RBX1: variants seen among roughly 807,000 people sequenced by gnomAD.
The protein encoded by RBX1 is ring-box 1, also known as E3 ubiquitin-protein ligase RBX1.
For missense variants in RBX1, 46 were observed against 141.4 expected (o/e 0.33, Z 3.42); for synonymous variants, 48 against 47.9 (o/e 1.00, Z -0.01).
intron 2 of RBX1, among the ~76,000 whole-genome samples, chr22:40,962,095 G>T (rs2058342228): frequency 6.6e-6 from 1 of 151,550 alleles, no homozygotes. Context: ...TTTATGGTTT[G>T]TTTGTTTGTT....
intron 3 of RBX1, among the ~76,000 whole-genome samples, chr22:40,965,907 A>G (rs902914135): frequency 3.3e-5 from 5 of 152,198 alleles, no homozygotes; most frequent in Non-Finnish European, 5.9e-5. Flanking sequence ...ACTAAGAACC[A>G]TGTTCCTTTA....
chr22:40,968,890 A>G lies in RBX1; in HGVS notation c.314+1006A>G, dbSNP rs1035079489. Among the ~76,000 whole-genome samples the G allele has an allele frequency of 2.7e-5, 4 of 148,596 alleles. No homozygotes were observed. In the East Asian group the frequency reaches 5.8e-4, roughly 22 times the overall value. On this transcript the variant is annotated intron_variant, in intron 4 of 4. Transcript: ENST00000216225. ...ATTTTGTACATTTTGGAGATTTTCC[A>G]TTTCCACAAATAACAAACTACCTCA... is the stretch of plus-strand genomic sequence containing the variant.
chr22:40,960,671 A>C (rs1041281177), intron 2 of RBX1, among the ~76,000 whole-genome samples: 5 of 152,162 alleles, frequency 3.3e-5, no homozygotes, highest in African/African-American at 7.2e-5. Context: ...AAAGGACATC[A>C]TATTTACTTT....
chr22:40,971,212 C>G (rs186064507), intron 4 of RBX1, among the ~76,000 whole-genome samples: 2 of 152,286 alleles, frequency 1.3e-5, no homozygotes, highest in East Asian at 3.9e-4. Context: ...GACTCTGCCA[C>G]TCTAACTGGT....
intron 4 of RBX1, among the ~76,000 whole-genome samples, chr22:40,968,542 C>G (rs957153706): frequency 5.3e-5 from 8 of 152,180 alleles, no homozygotes; most frequent in Non-Finnish European, 1.0e-4. Flanking sequence ...TCATATTTCA[C>G]TGGTTTATTT....
At chr22:40,968,627 C>G (rs960721837) in intron 4 of RBX1, among the ~76,000 whole-genome samples, 1 of 152,030 alleles carries the variant, frequency 6.6e-6, no homozygotes, top group Non-Finnish European at 1.5e-5. Flanking sequence ...AAAACATGAC[C>G]TGGTAAACTT....
rs549821274 is a variant in RBX1 at position 40,954,825 on chromosome 22, C to T, written c.157+1192C>T. Among the ~76,000 whole-genome samples, 111 of 151,624 alleles carry T rather than the reference C, an allele frequency of 7.3e-4. No individual in the cohort carries two copies. In the Middle Eastern group the frequency reaches 0.014, roughly 19 times the overall value. ...TTTTTTCCTTATTCTGAGATGGAGT[C>T]GCCCAGGTTGGAGTGCAGTGGCGTG... is the stretch of plus-strand genomic sequence containing the variant. On this transcript the variant is annotated intron_variant, in intron 2 of 4. Transcript: ENST00000216225.
At chr22:40,955,791 C>T (rs1440890460) in intron 2 of RBX1, among the ~76,000 whole-genome samples, 1 of 152,154 alleles carries the variant, frequency 6.6e-6, no homozygotes, top group African/African-American at 2.4e-5. Flanking sequence ...ATGTATTGCC[C>T]TTGGCTTCTT....
At chr22:40,961,022 C>T (rs2058338447) in intron 2 of RBX1, among the ~76,000 whole-genome samples, 4 of 152,052 alleles carry the variant, frequency 2.6e-5, no homozygotes, top group Admixed American at 1.3e-4. Context: ...CCTCGACTTC[C>T]CAAAGTGCTG....
intron 4 of RBX1, among the ~76,000 whole-genome samples, chr22:40,968,085 C>CTTTT (rs938566744): frequency 5.4e-4 from 60 of 111,192 alleles, no homozygotes; most frequent in Non-Finnish European, 7.9e-4. Flanking sequence ...GTTTCCCAAC[C>CTTTT]TTTTTTTTTT....
chr22:40,953,419 C>T (rs1366214286), intron 1 of RBX1, 136 bp from the exon 2 acceptor site: 12 of 599,088 alleles, frequency 2.0e-5, no homozygotes, highest in South Asian at 5.3e-5. Flanking sequence ...ATAAGATTAA[C>T]GTAATATCCA....
intron 4 of RBX1, among the ~76,000 whole-genome samples, 174 bp from the exon 5 acceptor site, chr22:40,972,302 G>A (rs2058371265): frequency 6.6e-6 from 1 of 152,210 alleles, no homozygotes; most frequent in African/African-American, 2.4e-5. Flanking sequence ...AGATGGGGAG[G>A]GGAAAGGGGA....
intron 4 of RBX1, among the ~76,000 whole-genome samples, chr22:40,970,053 T>TTA (rs1555894810): frequency 1.8e-5 from 2 of 109,706 alleles, no homozygotes; most frequent in Non-Finnish European, 1.8e-5. Flanking sequence ...AGACCCAATT[T>TTA]AAAAAAAAAA....
chr22:40,953,438 T>C lies in RBX1; in HGVS notation c.79-117T>C, dbSNP rs2058316757. The stretch of plus-strand genomic sequence containing the variant: ...GATTAACGTAATATCCAAAAACTTT[T>C]GTTTGGTGGTTCCCTGTGGCCAAAG... On this transcript the variant is annotated intron_variant, in intron 1 of 4. Transcript: ENST00000216225. The C allele has an allele frequency of 2.1e-5, 14 of 680,402 alleles. No individual in the cohort carries two copies. The East Asian group carries it at 3.3e-4, about 16-fold the overall frequency. 42.1% of individuals were successfully genotyped at this position (680,402 alleles called of 1,614,324 possible).
At chr22:40,970,263 A>G (rs7284740) in intron 4 of RBX1, among the ~76,000 whole-genome samples, 2,535 of 151,804 alleles carry the variant, frequency 0.017, 69 homozygotes, top group African/African-American at 0.059. Context: ...GAGGCAGGAG[A>G]ATCATCTCTT....
chr22:40,958,471 A>G (rs567480449), intron 2 of RBX1, among the ~76,000 whole-genome samples: 52 of 152,202 alleles, frequency 3.4e-4, no homozygotes, highest in Non-Finnish European at 5.6e-4. Context: ...ATGAGTAATT[A>G]TATACATAGC....
At chr22:40,954,602 G>A (rs2058320117) in intron 2 of RBX1, among the ~76,000 whole-genome samples, 1 of 152,150 alleles carries the variant, frequency 6.6e-6, no homozygotes, top group Non-Finnish European at 1.5e-5. Flanking sequence ...ATTTGTTACT[G>A]AGGCCAGAAA....
At chr22:40,967,746 G>A (rs1288594852) in intron 3 of RBX1, 53 bp from the exon 4 acceptor site, 15 of 1,487,102 alleles carry the variant, frequency 1.0e-5, no homozygotes, top group East Asian at 4.7e-5. Flanking sequence ...GTTGTCGCTC[G>A]ATGGCTGAGC....
At chr22:40,955,076 C>T (rs1314414546) in intron 2 of RBX1, among the ~76,000 whole-genome samples, 6 of 152,016 alleles carry the variant, frequency 3.9e-5, no homozygotes, top group Non-Finnish European at 7.4e-5. Context: ...CATAAGCCAC[C>T]ATGCCCGGCC....
Sources: allele counts gnomAD v4.1 joint callset (sites outside exome capture counted in the v4.1 genomes callset), GRCh38; gene constraint gnomAD v4.1.1; transcripts MANE v1.5; gene names NCBI Gene and HGNC (gene_info 2026-07-23, HGNC 2026-07-21).